The following ANGPTL1 variants were observed in gnomAD, a reference collection of about 807,000 sequenced individuals.
The protein encoded by ANGPTL1 is angiopoietin like 1.
ANGPTL1 carries 36 observed loss-of-function variants against 46.7 expected under a neutral mutation model. The observed-to-expected ratio is 0.77, with a 90% confidence interval of 0.59 to 1.02. The LOEUF is 1.02. ANGPTL1 is among the 50% of genes least tolerant of loss of function. The probability of loss-of-function intolerance (pLI) is 0.00; values close to 1 mark genes in which losing one functional copy is unlikely to be tolerated. For missense variants in ANGPTL1, 571 were observed against 594.7 expected (o/e 0.96, Z 0.41); for synonymous variants, 221 against 204.3 (o/e 1.08, Z -0.69).
chr1:178,856,202 G>GATAGATAGATAGATAGATAT (rs1553271351), intron 3 of ANGPTL1, among the ~76,000 whole-genome samples: 1 of 83,912 alleles, frequency 1.2e-5, no homozygotes, highest in African/African-American at 6.4e-5. Flanking sequence ...GAGAGAGAGA[G>GATAGATAGATAGATAGATAT]ATATATATAT....
chr1:178,851,144 G>C lies in ANGPTL1; in HGVS notation c.1461C>G (p.Ile487Met). Residue 487 changes from isoleucine (I) to methionine (M), a missense_variant, in exon 6 of 6, where the codon ATC becomes ATG. Ile to Met is a conservative substitution (Grantham distance 10, BLOSUM62 1). Coordinates refer to ENST00000234816, the MANE Select transcript of ANGPTL1 (RefSeq NM_004673.4). ...GTGTCTCTCTTCAGTCAATAGGCTT[G>C]ATCATCATCTGAACTGCTCTTAAGG... The part of the protein sequence containing the change: ...SYSLRAVQMM[I>M]KPID 1 of 1,613,104 alleles carries C rather than the reference G, an allele frequency of 6.2e-7. No individual in the cohort carries two copies. The highest frequency in any genetic ancestry group is 8.5e-7 in the Non-Finnish European group (1 of 1,179,588).
chr1:178,855,561 G>T (rs1343505894), intron 3 of ANGPTL1, among the ~76,000 whole-genome samples: 1 of 151,824 alleles, frequency 6.6e-6, no homozygotes, highest in Non-Finnish European at 1.5e-5. Context: ...CTTATTTATG[G>T]TGTCTTTCCT....
intron 5 of ANGPTL1, among the ~76,000 whole-genome samples, chr1:178,851,681 A>G (rs537580555): frequency 4.3e-4 from 66 of 152,310 alleles, no homozygotes; most frequent in Non-Finnish European, 4.4e-5. Flanking sequence ...TTGAATTGTC[A>G]AAATAAAATA....
intron 5 of ANGPTL1, among the ~76,000 whole-genome samples, chr1:178,852,034 C>T (rs761697677): frequency 6.6e-6 from 1 of 152,088 alleles, no homozygotes; most frequent in Non-Finnish European, 1.5e-5. Flanking sequence ...TTGAATCAAG[C>T]TTTTTTGTTA....
intron 3 of ANGPTL1, among the ~76,000 whole-genome samples, chr1:178,862,097 T>C (rs934062478): frequency 6.6e-6 from 1 of 152,064 alleles, no homozygotes; most frequent in African/African-American, 2.4e-5. Flanking sequence ...GGTCTCAAAC[T>C]CCTGACCTCA....
rs1658712052 is a variant in ANGPTL1 at position 178,870,832 on chromosome 1, T to G, written c.-228A>C. ...GTGTAGAAGTTTGTTCATCTGTGAC[T>G]TTAATGGCAGCTGCATTTTTGTTTT... On this transcript the variant is annotated 5_prime_UTR_variant, in exon 1 of 6. Transcript: ENST00000234816. The G allele has an allele frequency of 6.6e-6, 1 of 152,232 alleles. No homozygotes were observed. Among genetic ancestry groups the G allele is most frequent in the African/African-American group, 2.4e-5 (1 of 41,474 alleles). The allele number at this position is 152,232 out of a possible 1,614,324, so 9.4% of individuals were successfully genotyped here.
In ANGPTL1 at chr1:178,859,732, T is replaced by C. The variant is rs1473710719; in HGVS notation, c.823+5222A>G. On this transcript the variant is annotated intron_variant, in intron 3 of 5. Transcript: ENST00000234816. ...TTTTTTTTTTGAGACGGAGTCTCGCTCTGTCGCCAGGCTGGAGTGCAGTGT... is the reference window on the plus strand; with the variant it reads ...TTTTTTTTTTGAGACGGAGTCTCGCCCTGTCGCCAGGCTGGAGTGCAGTGT... Among the ~76,000 whole-genome samples, 6 of 117,024 alleles carry C rather than the reference T, an allele frequency of 5.1e-5. No homozygotes were observed. The East Asian group carries it at 1.5e-3, about 29-fold the overall frequency. The allele number at this position is 117,024 out of a possible 152,430, so 76.8% of individuals were successfully genotyped here.
Position 178,852,766 on chromosome 1 carries a change from T to C in ANGPTL1, c.1205A>G (p.Tyr402Cys). ...SEFYRLRLGTYQGNAGDSMMW... is the reference protein window; with the variant it reads ...SEFYRLRLGTCQGNAGDSMMW... ...CATAGAATCCCCTGCATTTCCCTGG[T>C]AAGTTCCCAGGCGCAGTCTATAGAA... Residue 402 changes from tyrosine (Y) to cysteine (C), a missense_variant, in exon 5 of 6, where the codon TAC becomes TGC. Tyr to Cys is a radical substitution (Grantham distance 194). Transcript: ENST00000234816. 1 of 1,613,930 alleles carries C rather than the reference T, an allele frequency of 6.2e-7. No homozygotes were observed. The highest frequency in any genetic ancestry group is 1.1e-5 in the South Asian group (1 of 91,072).
At chr1:178,867,877 A>G (rs1051493659) in intron 2 of ANGPTL1, among the ~76,000 whole-genome samples, 1 of 152,044 alleles carries the variant, frequency 6.6e-6, no homozygotes, top group Admixed American at 6.6e-5. Flanking sequence ...CATGAAGACT[A>G]CTGCTACTTT....
At chr1:178,866,006 A>G (rs1449685148) in intron 2 of ANGPTL1, among the ~76,000 whole-genome samples, 4 of 152,304 alleles carry the variant, frequency 2.6e-5, no homozygotes, top group Admixed American at 2.6e-4. Context: ...ATTAGGTTTC[A>G]GAGAATAACT....
chr1:178,865,240 G>A lies in ANGPTL1; in HGVS notation c.537C>T (p.Tyr179=), dbSNP rs546016893. Reference sequence around the variant, plus strand: ...TATTGACAAGATCAGTCAAGGAAGCGTATTTCACCTCTAGTTCCCTGTATC... The same window carrying A: ...TATTGACAAGATCAGTCAAGGAAGCATATTTCACCTCTAGTTCCCTGTATC... ...ATRYRELEVK[Y]ASLTDLVNNQ... is the part of the protein sequence containing the mutation. Residue 179 remains tyrosine (Y), a synonymous_variant, in exon 3 of 6, where the codon TAC becomes TAT. Coordinates refer to ENST00000234816, the MANE Select transcript of ANGPTL1 (RefSeq NM_004673.4). 15 of 1,614,066 alleles carry A rather than the reference G, an allele frequency of 9.3e-6. No homozygotes were observed. The highest frequency in any genetic ancestry group is 6.7e-5 in the East Asian group (3 of 44,888).
intron 3 of ANGPTL1, among the ~76,000 whole-genome samples, chr1:178,862,588 ATTT>A (rs111564790): frequency 1.8e-4 from 24 of 131,378 alleles, no homozygotes; most frequent in Non-Finnish European, 2.8e-4. Flanking sequence ...GAGGAGTTGC[ATTT>A]TTTTTATTTA....
chr1:178,853,171 G>A, intron 4 of ANGPTL1: 2 of 985,180 alleles, frequency 2.0e-6, no homozygotes, highest in Non-Finnish European at 2.4e-6. Flanking sequence ...GTATTCATTT[G>A]CATAGCTAGC....
intron 3 of ANGPTL1, among the ~76,000 whole-genome samples, chr1:178,858,505 T>A (rs1281805108): frequency 6.6e-6 from 1 of 152,208 alleles, no homozygotes; most frequent in East Asian, 1.9e-4. Flanking sequence ...AGGTATAAAC[T>A]GGAATTACCT....
At chr1:178,851,380 T>TA (rs1182304177) in intron 5 of ANGPTL1, 64 bp from the exon 6 acceptor site, 2 of 1,395,130 alleles carry the variant, frequency 1.4e-6, no homozygotes, top group Admixed American at 2.6e-5. Flanking sequence ...TCTGCAATCA[T>TA]AAAAAACTTA....
intron 3 of ANGPTL1, among the ~76,000 whole-genome samples, chr1:178,857,690 TATGA>T (rs1253115821): frequency 1.3e-5 from 2 of 152,236 alleles, no homozygotes. Context: ...TTGCTTATTC[TATGA>T]ATATCATTTT....
At position 178,851,148 on chromosome 1, in the gene ANGPTL1, A is replaced by G. The variant is rs980692057; in HGVS notation, c.1457T>C (p.Met486Thr). ...CTCTCTTCAGTCAATAGGCTTGATC[A>G]TCATCTGAACTGCTCTTAAGGAGTA... Reference protein sequence around the residue: ...GSYSLRAVQMMIKPID With the variant: ...GSYSLRAVQMTIKPID The change falls in exon 6 of 6, where the codon ATG becomes ACG. Residue 486 changes from methionine (M) to threonine (T), a missense_variant. Transcript: ENST00000234816. 31 of 1,613,192 alleles carry G rather than the reference A, an allele frequency of 1.9e-5. No homozygotes were observed. Among genetic ancestry groups the G allele is most frequent in the Non-Finnish European group, 2.5e-5 (30 of 1,179,672 alleles).
At chr1:178,856,200 G>GATATATATATATATATATAT (rs1348083361) in intron 3 of ANGPTL1, among the ~76,000 whole-genome samples, 1 of 40,932 alleles carries the variant, frequency 2.4e-5, no homozygotes, top group African/African-American at 9.3e-5. Context: ...CAGAGAGAGA[G>GATATATATATATATATATAT]AGATATATAT....
At chr1:178,853,858 A>C in intron 3 of ANGPTL1, 71 bp from the exon 4 acceptor site, 1 of 1,266,352 alleles carries the variant, frequency 7.9e-7, no homozygotes, top group Non-Finnish European at 1.1e-6. Flanking sequence ...TTTTTAATCA[A>C]GATTTTTACC....
Sources: gnomAD v4.1 joint callset for allele counts (sites outside exome capture counted in the v4.1 genomes callset) on GRCh38, gnomAD v4.1.1 for gene constraint, MANE v1.5 for transcripts, NCBI Gene and HGNC (gene_info 2026-07-23, HGNC 2026-07-21) for gene names.